PCDH15: variants seen among roughly 807,000 people sequenced by gnomAD.
PCDH15 encodes protocadherin related 15, also known as protocadherin-15.
In PCDH15, 129 loss-of-function variants were observed where a neutral mutation model predicts 178.5. That is an observed-to-expected ratio of 0.72 (90% CI 0.63 to 0.84). The LOEUF is 0.84. PCDH15 is among the 40% of genes least tolerant of loss of function. PCDH15 has a pLI of 0.00. For missense variants in PCDH15, 2,230 were observed against 2,099.9 expected (o/e 1.06, Z -1.21); for synonymous variants, 800 against 732.0 (o/e 1.09, Z -1.50).
chr10:54,141,249 AC>A (rs1252255933), intron 14 of PCDH15, among the ~76,000 whole-genome samples: 1 of 152,062 alleles, frequency 6.6e-6, no homozygotes, highest in African/African-American at 2.4e-5. Context: ...TTCCTAAACT[AC>A]CTTTGTCAAG....
intron 2 of PCDH15, among the ~76,000 whole-genome samples, chr10:55,451,728 A>G (rs1485594771): frequency 1.3e-5 from 2 of 152,184 alleles, no homozygotes; most frequent in Non-Finnish European, 2.9e-5. Context: ...AACCTATATT[A>G]TTTTTAGCTC....
intron 1 of PCDH15, among the ~76,000 whole-genome samples, chr10:54,750,615 G>T (rs1435523703): frequency 6.6e-6 from 1 of 151,942 alleles, no homozygotes; most frequent in Non-Finnish European, 1.5e-5. Context: ...ATTTTATTAT[G>T]AATTATCAAC....
At chr10:53,988,098 C>A (rs575283240) in intron 21 of PCDH15, among the ~76,000 whole-genome samples, 1 of 152,224 alleles carries the variant, frequency 6.6e-6, no homozygotes, top group East Asian at 1.9e-4. Context: ...TAAATGCAAC[C>A]ACATCATCCC....
chr10:54,606,257 T>A (rs1264156698), intron 2 of PCDH15: 1 of 152,146 alleles, frequency 6.6e-6, no homozygotes, highest in Non-Finnish European at 1.5e-5. Flanking sequence ...GCATTTTTTC[T>A]CAATGTACCT....
chr10:55,582,625 TATA>T (rs199508038), intron 2 of PCDH15, among the ~76,000 whole-genome samples: 9,200 of 79,264 alleles, frequency 0.12, 566 homozygotes, highest in East Asian at 0.3. Flanking sequence ...TATATATATA[TATA>T]TTTTTTTTTT....
chr10:54,742,457 T>C (rs55689219), intron 1 of PCDH15, among the ~76,000 whole-genome samples: 2,565 of 152,132 alleles, frequency 0.017, 22 homozygotes, highest in Non-Finnish European at 0.026. Context: ...AATGGAATGA[T>C]GATGCTACTC....
chr10:54,367,770 A>C (rs541730740), intron 5 of PCDH15, among the ~76,000 whole-genome samples: 1 of 151,916 alleles, frequency 6.6e-6, no homozygotes, highest in Admixed American at 6.6e-5. Flanking sequence ...ACAAACCTGC[A>C]CATTCTGCAC....
At chr10:55,111,864 AT>A (rs1837516111) in intron 2 of PCDH15, among the ~76,000 whole-genome samples, 2 of 152,184 alleles carry the variant, frequency 1.3e-5, no homozygotes, top group Admixed American at 1.3e-4. Flanking sequence ...AAAAAAAACA[AT>A]AAAAAATAAA....
intron 26 of PCDH15, among the ~76,000 whole-genome samples, chr10:53,882,969 A>G (rs1377584879): frequency 2.0e-5 from 3 of 152,198 alleles, no homozygotes; most frequent in Non-Finnish European, 2.9e-5. Context: ...CAAAAACTTT[A>G]TAATTTTATC....
intron 1 of PCDH15, among the ~76,000 whole-genome samples, chr10:55,274,619 C>T (rs1489107256): frequency 1.3e-5 from 2 of 152,064 alleles, no homozygotes; most frequent in Non-Finnish European, 2.9e-5. Flanking sequence ...CAGCTTACCA[C>T]TTTTTTCCAA....
chr10:55,455,458 A>G (rs1352189660), intron 2 of PCDH15, among the ~76,000 whole-genome samples: 1 of 152,170 alleles, frequency 6.6e-6, no homozygotes, highest in Non-Finnish European at 1.5e-5. Context: ...ACTAAAAAAC[A>G]GCTGGAAGTT....
intron 15 of PCDH15, among the ~76,000 whole-genome samples, chr10:54,104,886 C>T (rs1486338047): frequency 3.3e-5 from 5 of 149,482 alleles, no homozygotes; most frequent in Admixed American, 6.7e-5. Context: ...CTGAGTTCAT[C>T]CTTTTCTTTC....
At chr10:55,609,427 G>A (rs552275727) in intron 2 of PCDH15, among the ~76,000 whole-genome samples, 1 of 152,206 alleles carries the variant, frequency 6.6e-6, no homozygotes, top group South Asian at 2.1e-4. Context: ...TGGTAATCAT[G>A]TGATGTCAAA....
chr10:54,094,045 G>C (rs143800654), intron 15 of PCDH15, among the ~76,000 whole-genome samples: 1 of 152,082 alleles, frequency 6.6e-6, no homozygotes, highest in Non-Finnish European at 1.5e-5. Context: ...TGAGTTTAAC[G>C]GGGGAGATTC....
chr10:54,306,134 GA>G (rs78442617), intron 8 of PCDH15, among the ~76,000 whole-genome samples: 28,936 of 150,342 alleles, frequency 0.19, 2,854 homozygotes, highest in Admixed American at 0.23. Context: ...AAGACTCCAG[GA>G]AAAAAAAAAT....
At chr10:54,523,837 CA>C (rs2083118851) in intron 3 of PCDH15, among the ~76,000 whole-genome samples, 1 of 151,978 alleles carries the variant, frequency 6.6e-6, no homozygotes, top group African/African-American at 2.4e-5. Context: ...GTCTAACAGT[CA>C]ATATTTGATC....
chr10:55,242,619 A>T (rs1841578653), intron 1 of PCDH15, among the ~76,000 whole-genome samples: 1 of 152,096 alleles, frequency 6.6e-6, no homozygotes, highest in Non-Finnish European at 1.5e-5. Context: ...TGACAGGCAG[A>T]TCGCTTGAGC....
At chr10:54,224,381 A>G (rs77144515) in intron 9 of PCDH15, among the ~76,000 whole-genome samples, 4,796 of 152,262 alleles carry the variant, frequency 0.031, 108 homozygotes, top group South Asian at 0.076. Context: ...GTACGAGAAT[A>G]GAAACACATG....
intron 1 of PCDH15, among the ~76,000 whole-genome samples, chr10:54,755,909 TTC>T (rs1283120952): frequency 1.3e-5 from 2 of 152,044 alleles, no homozygotes; most frequent in Non-Finnish European, 2.9e-5. Flanking sequence ...GGATGTTACT[TTC>T]TCTCTCTCTA....
Sources: allele counts gnomAD v4.1 joint callset (sites outside exome capture counted in the v4.1 genomes callset), GRCh38; gene constraint gnomAD v4.1.1; transcripts MANE v1.5; gene names NCBI Gene and HGNC (gene_info 2026-07-23, HGNC 2026-07-21).